GRB2: variants seen among roughly 807,000 people sequenced by gnomAD.
GRB2 encodes growth factor receptor bound protein 2.
In GRB2, 2 loss-of-function variants were observed where a neutral mutation model predicts 27.4. The observed-to-expected ratio is 0.07, with a 90% CI of 0.03 to 0.23. The LOEUF (loss-of-function observed/expected upper bound fraction) is 0.23. Ranked by LOEUF, GRB2 falls within the 10% of genes least tolerant of loss-of-function variation. The pLI is 1.00. For missense variants in GRB2, 102 were observed against 282.4 expected, an observed-to-expected ratio of 0.36 and a Z score of 4.58; for synonymous variants, 94 against 99.6, an observed-to-expected ratio of 0.94 and a Z score of 0.33.
chr17:75,339,041 G>A (rs1023623821), intron 2 of GRB2: 84 of 1,262,600 alleles, frequency 6.7e-5, no homozygotes, highest in Non-Finnish European at 8.6e-5. Context: ...AGGCTTGAGT[G>A]CGTTGAGCCC....
At chr17:75,371,025 T>C (rs2145854894) in intron 2 of GRB2, 1 of 152,286 alleles carries the variant, frequency 6.6e-6, no homozygotes, top group Middle Eastern at 3.4e-3. Flanking sequence ...GAAATAAAAG[T>C]GAGGCCAAGT....
intron 2 of GRB2, among the ~76,000 whole-genome samples, chr17:75,334,552 T>C (rs576250381): frequency 6.6e-6 from 1 of 152,230 alleles, no homozygotes; most frequent in African/African-American, 2.4e-5. Flanking sequence ...AGTGCTGAGA[T>C]TACAGGTGTG....
chr17:75,397,505 T>C (rs1027478285), intron 1 of GRB2, among the ~76,000 whole-genome samples: 1 of 152,232 alleles, frequency 6.6e-6, no homozygotes, highest in Non-Finnish European at 1.5e-5. Context: ...CCAAAAAAAC[T>C]ACTATCCTAA....
intron 2 of GRB2, among the ~76,000 whole-genome samples, chr17:75,387,164 C>CA (rs938176143): frequency 3.4e-4 from 46 of 134,710 alleles, no homozygotes; most frequent in South Asian, 6.9e-4. Context: ...GACTCCATCT[C>CA]AAAAAAAAAA....
At chr17:75,361,314 C>T (rs2078780189) in intron 2 of GRB2, among the ~76,000 whole-genome samples, 1 of 152,172 alleles carries the variant, frequency 6.6e-6, no homozygotes, top group South Asian at 2.1e-4. Flanking sequence ...GACAAGGGAA[C>T]AAACTAAACT....
In GRB2 at chr17:75,318,341, C is replaced by T. The variant is rs1208115801; in HGVS notation, c.*2027G>A. ...CAGGATGAGGAAGAGTGAGGGAAGG[C>T]GGGGACAGGCTCTGCCCAGAAGAGC... On this transcript the variant is annotated 3_prime_UTR_variant, in exon 6 of 6. Coordinates refer to ENST00000316804, the MANE Select transcript of GRB2 (RefSeq NM_002086.5). The T allele has an allele frequency of 2.0e-5, 3 of 152,170 alleles. No individual in the cohort carries two copies. The highest frequency in any genetic ancestry group is 4.4e-5 in the Non-Finnish European group (3 of 68,048). 9.4% of individuals were successfully genotyped at this position (152,170 alleles called of 1,614,324 possible). A position where few individuals can be genotyped will look rare whatever the true frequency, so the allele number is the denominator to read the frequency against.
intron 2 of GRB2, among the ~76,000 whole-genome samples, chr17:75,353,544 T>C (rs1188539521): frequency 6.6e-6 from 1 of 151,686 alleles, no homozygotes; most frequent in Middle Eastern, 3.2e-3. Context: ...AGGCAGATCA[T>C]GAGGTCAGGG....
rs931189221 is a variant in GRB2, at chr17:75,376,293, C to T, written c.78+17258G>A. 5.1e-5 allele frequency among the ~76,000 whole-genome samples: 7 copies of T among 136,872 alleles called. No individual in the cohort carries two copies. In the East Asian group the frequency reaches 1.4e-3, roughly 27 times the overall value. 89.8% of individuals were successfully genotyped at this position (136,872 alleles called of 152,430 possible). ...CTGGGAGGCAGACGTTGCAGTGAGCCGAGATTGTGCCACTGCACTCCAGCC... is the reference window on the plus strand; with the variant it reads ...CTGGGAGGCAGACGTTGCAGTGAGCTGAGATTGTGCCACTGCACTCCAGCC... On this transcript the variant is annotated intron_variant, in intron 2 of 5. Transcript: ENST00000316804.
intron 2 of GRB2, among the ~76,000 whole-genome samples, chr17:75,359,952 G>C (rs1287388835): frequency 6.6e-6 from 1 of 151,088 alleles, no homozygotes; most frequent in African/African-American, 2.4e-5. Context: ...TGGAAAAAGT[G>C]GTGTGTTACA....
intron 3 of GRB2, chr17:75,326,333 G>C: frequency 3.1e-6 from 1 of 322,104 alleles, no homozygotes; most frequent in East Asian, 6.9e-5. Flanking sequence ...ACTGACTCAT[G>C]ACAAAGGCGC....
At chr17:75,342,484 G>C (rs1451036110) in intron 2 of GRB2, among the ~76,000 whole-genome samples, 3 of 152,024 alleles carry the variant, frequency 2.0e-5, no homozygotes, top group Admixed American at 2.0e-4. Context: ...TGCCCCGGCT[G>C]TTCTCCAATT....
At position 75,329,000 on chromosome 17, in the gene GRB2, C is replaced by T. The variant is rs1367003339; in HGVS notation, c.177-2980G>A. On this transcript the variant is annotated intron_variant, in intron 3 of 5. Transcript: ENST00000316804. ...GGACACTTAACGGTATTGAGACCTT[C>T]TCAATCGGGGGGCCCCAATCAACGG... is the stretch of plus-strand genomic sequence containing the variant. Among the ~76,000 whole-genome samples, 3 of 152,070 alleles carry T rather than the reference C, an allele frequency of 2.0e-5. No individual in the cohort carries two copies. In the East Asian group the frequency reaches 5.8e-4, roughly 29 times the overall value.
chr17:75,349,036 C>T (rs897022212), intron 2 of GRB2, among the ~76,000 whole-genome samples: 4 of 151,928 alleles, frequency 2.6e-5, no homozygotes, highest in Admixed American at 6.6e-5. Flanking sequence ...CATGTGTGGA[C>T]GTTCTAGAAA....
At position 75,403,024 on chromosome 17, in the gene GRB2, G is replaced by A. The variant is rs374962603; in HGVS notation, c.-138+2465C>T. On this transcript the variant is annotated intron_variant, in intron 1 of 5. Coordinates refer to ENST00000316804, the MANE Select transcript of GRB2 (RefSeq NM_002086.5). ...CAGGAGGTGGAAGTTGTGGTGACCT[G>A]AGATCGTGCCACTGCACTCTAGCCT... Among the ~76,000 whole-genome samples, 231 of 120,712 alleles carry A rather than the reference G, an allele frequency of 1.9e-3. 8 individuals carry two copies. In the South Asian group the frequency reaches 0.06, roughly 31 times the overall value. 79.2% of individuals were successfully genotyped at this position (120,712 alleles called of 152,430 possible). A position where few individuals can be genotyped will look rare whatever the true frequency, so the allele number is the denominator to read the frequency against.
intron 2 of GRB2, among the ~76,000 whole-genome samples, chr17:75,338,480 A>G (rs907848917): frequency 6.6e-6 from 1 of 152,176 alleles, no homozygotes; most frequent in Non-Finnish European, 1.5e-5. Flanking sequence ...GAGCTCACAA[A>G]AAGTTTCCTT....
Position 75,384,223 on chromosome 17 carries a change from T to C in GRB2, c.78+9328A>G, listed in dbSNP as rs577975031. On this transcript the variant is annotated intron_variant, in intron 2 of 5. Transcript: ENST00000316804. ...GATCCTGAGCACAGTCACAGTGAAC[T>C]TCAGCCTAAGATTTAAAATCAGGTT... Among the ~76,000 whole-genome samples, 13 of 152,320 alleles carry C rather than the reference T, an allele frequency of 8.5e-5. No homozygotes were observed. In the East Asian group the frequency reaches 1.7e-3, roughly 20 times the overall value.
intron 2 of GRB2, among the ~76,000 whole-genome samples, chr17:75,389,690 C>CA: frequency 2.6e-5 from 4 of 151,970 alleles, no homozygotes; most frequent in Admixed American, 2.6e-4. Context: ...ACTAAAAATA[C>CA]AAAAAATTAG....
At chr17:75,401,335 C>T (rs970496146) in intron 1 of GRB2, among the ~76,000 whole-genome samples, 7 of 150,658 alleles carry the variant, frequency 4.6e-5, no homozygotes, top group Non-Finnish European at 1.0e-4. Flanking sequence ...GTCCCAGCTA[C>T]TCGGGAGGCT....
At chr17:75,334,264 G>A (rs1256965397) in intron 2 of GRB2, among the ~76,000 whole-genome samples, 1 of 151,852 alleles carries the variant, frequency 6.6e-6, no homozygotes, top group African/African-American at 2.4e-5. Context: ...TCTGCCTCCC[G>A]GGTTCACGCC....
Sources: allele counts gnomAD v4.1 joint callset (sites outside exome capture counted in the v4.1 genomes callset), GRCh38; gene constraint gnomAD v4.1.1; transcripts MANE v1.5; gene names NCBI Gene and HGNC (gene_info 2026-07-23, HGNC 2026-07-21).